Variants in KIF26B observed in about 807,000 individuals in gnomAD.
The protein encoded by KIF26B is kinesin-like protein KIF26B.
A neutral mutation model predicts 151.2 loss-of-function variants in KIF26B; 63 were observed. The ratio of observed to expected loss-of-function variants is 0.42; its 90% confidence interval spans 0.34 to 0.51. KIF26B has a LOEUF of 0.51. Among genes scored for constraint, KIF26B ranks in the 20% least tolerant of loss-of-function variants. KIF26B has a pLI of 0.07. For synonymous variants in KIF26B, 1,357 were observed against 1,262.1 expected, an observed-to-expected ratio of 1.08 and a Z score of -1.59; for missense variants, 2,813 against 2,913.6, an observed-to-expected ratio of 0.97 and a Z score of 0.79.
rs2044565918 is a variant in KIF26B, at chr1:245,688,293, C to T, written c.5310C>T (p.Gly1770=). 1.3e-6 allele frequency: 2 copies of T among 1,596,394 alleles called. No homozygotes were observed. Among genetic ancestry groups the T allele is most frequent in the South Asian group, 2.2e-5 (2 of 90,672 alleles). Residue 1770 remains glycine (G), a synonymous_variant, in exon 12 of 15, where the codon GGC becomes GGT. Transcript: ENST00000407071. ...CCCTGCCGCAGGCGGTGGGCCAGGG[C>T]TCCAGCTCGCCCCCCGGTGGGAAGC... ...TKSLPQAVGQ[G]SSSPPGGKHT...
chr1:245,345,331 C>T (rs906095434), intron 2 of KIF26B, among the ~76,000 whole-genome samples: 1 of 152,308 alleles, frequency 6.6e-6, no homozygotes, highest in Non-Finnish European at 1.5e-5. Flanking sequence ...GCCTCACACA[C>T]AGTTGTCTGG....
chr1:245,646,871 G>A (rs891073132), intron 10 of KIF26B, among the ~76,000 whole-genome samples: 4 of 152,068 alleles, frequency 2.6e-5, no homozygotes, highest in Non-Finnish European at 5.9e-5. Flanking sequence ...GATCCTTCCT[G>A]TCTCTTTACT....
chr1:245,487,804 TCATTTG>T (rs1660315493), intron 4 of KIF26B, among the ~76,000 whole-genome samples: 1 of 149,558 alleles, frequency 6.7e-6, no homozygotes, highest in Non-Finnish European at 1.5e-5. Flanking sequence ...TCGCTCTGTC[TCATTTG>T]CATTTGCATT....
rs1057398245 is a variant in KIF26B, at chr1:245,709,402, A to T, written c.*6796A>T. The T allele has an allele frequency of 1.3e-5, 2 of 152,194 alleles. No individual in the cohort carries two copies. Among genetic ancestry groups the T allele is most frequent in the Admixed American group, 1.3e-4 (2 of 15,284 alleles). 9.4% of individuals were successfully genotyped at this position (152,194 alleles called of 1,614,324 possible). A position where few individuals can be genotyped will look rare whatever the true frequency, so the allele number is the denominator to read the frequency against. On this transcript the variant is annotated 3_prime_UTR_variant, in exon 15 of 15. Transcript: ENST00000407071. ...CTGGTGTTTAAAAAAAAATCAAACT[A>T]TGGTGGCATTAAATGTTCACTTTTA... is the stretch of plus-strand genomic sequence containing the variant.
rs1661586195 is a variant in KIF26B, at chr1:245,540,356, T to A, written c.1167-411T>A. 6.6e-6 allele frequency among the ~76,000 whole-genome samples: 1 copy of A among 152,200 alleles called. No individual in the cohort carries two copies. On this transcript the variant is annotated intron_variant, in intron 4 of 14. Transcript: ENST00000407071. This position sits in a 1 kb window ranked among gnomAD's most constrained non-coding sequence, Gnocchi z 4.6. ...TTCTTCATCAGACTGGTTTGGATTT[T>A]ACAAGGTGTTAGAGTTTTTAAATTA...
intron 5 of KIF26B, among the ~76,000 whole-genome samples, chr1:245,598,670 C>T (rs537273386): frequency 2.0e-5 from 3 of 152,240 alleles, no homozygotes; most frequent in South Asian, 2.1e-4. Context: ...CTGCCTCTCT[C>T]GGTGAGTGTC....
chr1:245,370,230 G>C (rs1673079737), intron 3 of KIF26B, among the ~76,000 whole-genome samples: 1 of 151,944 alleles, frequency 6.6e-6, no homozygotes, highest in Non-Finnish European at 1.5e-5. Flanking sequence ...TTAATACATT[G>C]GGTACATTTC....
intron 4 of KIF26B, among the ~76,000 whole-genome samples, chr1:245,517,667 C>T (rs533873490): frequency 5.3e-4 from 80 of 152,054 alleles, no homozygotes; most frequent in African/African-American, 1.7e-3. Context: ...ACTATAATAC[C>T]GGTGATAAGC....
intron 2 of KIF26B, among the ~76,000 whole-genome samples, chr1:245,184,054 T>TTTATTTTTTTTTTTTTTTTTTTTTTTTTA (rs1302638676): frequency 1.7e-4 from 19 of 113,196 alleles, no homozygotes; most frequent in Non-Finnish European, 3.4e-4. Flanking sequence ...GTTGTTGTTT[T>TTTATTTTTTTTTTTTTTTTTTTTTTTTTA]TTTTTTTTTT....
intron 4 of KIF26B, among the ~76,000 whole-genome samples, chr1:245,497,977 C>T (rs935195448): frequency 2.0e-5 from 3 of 152,182 alleles, no homozygotes; most frequent in Non-Finnish European, 2.9e-5. Flanking sequence ...CTCCTGACCT[C>T]GTGATCTGCC....
intron 2 of KIF26B, among the ~76,000 whole-genome samples, chr1:245,254,284 G>A (rs986852921): frequency 3.3e-5 from 5 of 152,122 alleles, no homozygotes; most frequent in Admixed American, 6.5e-5. Flanking sequence ...ATAAGTGGCC[G>A]TGCTGGGCAC....
chr1:245,184,699 G>GTT (rs1668970969), intron 2 of KIF26B, among the ~76,000 whole-genome samples: 2 of 152,196 alleles, frequency 1.3e-5, no homozygotes, highest in Non-Finnish European at 2.9e-5. Context: ...CAAGAGAGCA[G>GTT]TTTCTCATTG....
At chr1:245,229,616 G>A (rs1028009724) in intron 2 of KIF26B, among the ~76,000 whole-genome samples, 28 of 152,244 alleles carry the variant, frequency 1.8e-4, no homozygotes, top group African/African-American at 6.0e-4. Context: ...CTGTGTTTGC[G>A]TTTATTTTCC....
intron 2 of KIF26B, among the ~76,000 whole-genome samples, chr1:245,356,982 A>T (rs1019077961): frequency 8.5e-5 from 13 of 152,322 alleles, no homozygotes; most frequent in African/African-American, 2.9e-4. Context: ...TCTGGGCAGG[A>T]GGAACAGCAA....
chr1:245,225,726 G>C (rs1558352286), intron 2 of KIF26B, among the ~76,000 whole-genome samples: 1 of 152,268 alleles, frequency 6.6e-6, no homozygotes, highest in Admixed American at 6.5e-5. Flanking sequence ...GGGATGGAAG[G>C]GTTTGAGCCC....
chr1:245,263,964 A>G (rs1670696871), intron 2 of KIF26B, among the ~76,000 whole-genome samples: 1 of 152,194 alleles, frequency 6.6e-6, no homozygotes, highest in African/African-American at 2.4e-5. Flanking sequence ...TTTTTCCAGT[A>G]TGTAGATGAT....
intron 5 of KIF26B, among the ~76,000 whole-genome samples, chr1:245,546,763 A>G (rs1340980904): frequency 6.6e-6 from 1 of 152,212 alleles, no homozygotes; most frequent in Non-Finnish European, 1.5e-5. Context: ...GGGGGCGGGA[A>G]CGGCATAAAT....
At chr1:245,653,977 C>G (rs141700471) in intron 10 of KIF26B, among the ~76,000 whole-genome samples, 2 of 152,262 alleles carry the variant, frequency 1.3e-5, no homozygotes, top group East Asian at 3.9e-4. Context: ...GTGGAAGGAT[C>G]GCTTGAACCC....
intron 10 of KIF26B, among the ~76,000 whole-genome samples, chr1:245,661,324 A>T (rs1427982845): frequency 1.5e-5 from 2 of 129,774 alleles, no homozygotes; most frequent in African/African-American, 2.9e-5. Context: ...GTTATTTAGA[A>T]ATGTATTTAC....
Sources: allele counts gnomAD v4.1 joint callset (sites outside exome capture counted in the v4.1 genomes callset), GRCh38; gene constraint gnomAD v4.1.1; non-coding constraint Gnocchi (gnomAD v3.1); transcripts MANE v1.5; gene names NCBI Gene and HGNC (gene_info 2026-07-23, HGNC 2026-07-21).